The following AGO1 variants were observed in gnomAD, a reference collection of about 807,000 sequenced individuals.
AGO1 encodes protein argonaute-1.
A neutral mutation model predicts 109.2 loss-of-function variants in AGO1; 11 were observed. That is an observed-to-expected ratio of 0.10 (90% confidence interval 0.06 to 0.17). The LOEUF (loss-of-function observed/expected upper bound fraction) is 0.17. AGO1 is among the 10% of genes least tolerant of loss of function. The pLI, the probability that AGO1 is intolerant of heterozygous loss-of-function variation, is 1.00. For synonymous variants in AGO1, 422 were observed against 418.6 expected, an observed-to-expected ratio of 1.01 and a Z score of -0.10; for missense variants, 574 against 1,140.3, an observed-to-expected ratio of 0.50 and a Z score of 7.15.
chr1:35,919,631 G>T lies in AGO1; in HGVS notation c.*24G>T. The T allele has an allele frequency of 6.2e-7, 1 of 1,600,042 alleles. No homozygotes were observed. The highest frequency in any genetic ancestry group is 8.5e-7 in the Non-Finnish European group (1 of 1,170,652). On this transcript the variant is annotated 3_prime_UTR_variant, in exon 19 of 19. Coordinates refer to ENST00000373204, the MANE Select transcript of AGO1 (RefSeq NM_012199.5). This position sits in a 1 kb window ranked among gnomAD's most constrained non-coding sequence, Gnocchi z 6.6. ...GAAGGCAGAACGCTGTTACCTCACT[G>T]GATAGAAGAAAGCTTTCCAAGCCCC...
intron 1 of AGO1, among the ~76,000 whole-genome samples, chr1:35,885,722 C>G (rs1182388195): frequency 6.6e-6 from 1 of 152,260 alleles, no homozygotes; most frequent in Admixed American, 6.5e-5. Flanking sequence ...CAAGCACATA[C>G]AGTGGACTGG....
intron 14 of AGO1, 30 bp from the exon 15 acceptor site, chr1:35,915,318 A>G: frequency 6.3e-7 from 1 of 1,594,754 alleles, no homozygotes; most frequent in Non-Finnish European, 8.6e-7. Context: ...TGAAGGTTCT[A>G]GGAGCTAATC....
At chr1:35,875,013 A>G (rs1488617463) in intron 1 of AGO1, among the ~76,000 whole-genome samples, 1 of 152,230 alleles carries the variant, frequency 6.6e-6, no homozygotes, top group African/African-American at 2.4e-5. Flanking sequence ...GTTTAAGGAA[A>G]GAAGCCATCT....
chr1:35,909,005 A>G (rs1052258570), intron 12 of AGO1, among the ~76,000 whole-genome samples: 1 of 151,952 alleles, frequency 6.6e-6, no homozygotes, highest in African/African-American at 2.4e-5. Flanking sequence ...TTTAGTACAG[A>G]TGGAGTTTCG....
chr1:35,909,852 G>A (rs996707296), intron 12 of AGO1, among the ~76,000 whole-genome samples: 1 of 151,986 alleles, frequency 6.6e-6, no homozygotes, highest in African/African-American at 2.4e-5. Context: ...GTATGGATAA[G>A]GATGCTTTTT....
chr1:35,919,620 G>A lies in AGO1; in HGVS notation c.*13G>A. ...GTACTTCGCTTGAAGGCAGAACGCTGTTACCTCACTGGATAGAAGAAAGCT... is the reference window on the plus strand; with the variant it reads ...GTACTTCGCTTGAAGGCAGAACGCTATTACCTCACTGGATAGAAGAAAGCT... On this transcript the variant is annotated 3_prime_UTR_variant, in exon 19 of 19. Transcript: ENST00000373204. This position sits in a 1 kb window ranked among gnomAD's most constrained non-coding sequence, Gnocchi z 6.6. The A allele has an allele frequency of 6.2e-7, 1 of 1,609,378 alleles. No homozygotes were observed. The highest frequency in any genetic ancestry group is 8.5e-7 in the Non-Finnish European group (1 of 1,176,762).
chr1:35,893,647 G>A lies in AGO1; in HGVS notation c.513-27G>A. 6.3e-7 allele frequency: 1 copy of A among 1,593,526 alleles called. No homozygotes were observed. Among genetic ancestry groups the A allele is most frequent in the Non-Finnish European group, 8.6e-7 (1 of 1,167,074 alleles). On this transcript the variant is annotated intron_variant, in intron 4 of 18. Coordinates refer to ENST00000373204, the MANE Select transcript of AGO1 (RefSeq NM_012199.5). This position sits in a 1 kb window ranked among gnomAD's most constrained non-coding sequence, Gnocchi z 5.6. ...ACAGGGTGGGGGCCTGTGCCCGAGGGACCAGTTCTCTGCCTGTCCCTGCCA... is the reference window on the plus strand; with the variant it reads ...ACAGGGTGGGGGCCTGTGCCCGAGGAACCAGTTCTCTGCCTGTCCCTGCCA...
In AGO1 at chr1:35,919,204, C is replaced by T. The variant is rs768309604; in HGVS notation, c.2415C>T (p.Arg805=). The part of the protein sequence containing the change: ...VSIPAPAYYA[R]LVAFRARYHL... The stretch of plus-strand genomic sequence containing the variant: ...TCCCAGCACCTGCCTACTATGCCCG[C>T]CTGGTGGCTTTCCGGGCACGATACC... The change falls in exon 18 of 19, where the codon CGC becomes CGT. Residue 805 remains arginine, a synonymous_variant. Coordinates refer to ENST00000373204, the MANE Select transcript of AGO1 (RefSeq NM_012199.5). The surrounding 1 kb of genome is among the most constrained non-coding windows in gnomAD (Gnocchi z 6.6). 2 of 1,614,180 alleles carry T rather than the reference C, an allele frequency of 1.2e-6. No individual in the cohort carries two copies. Among genetic ancestry groups the T allele is most frequent in the East Asian group, 2.2e-5 (1 of 44,884 alleles).
In AGO1 at chr1:35,897,760, T is replaced by TA. The variant is rs944168579; in HGVS notation, c.1020+2492dup. ...AAATAAAAAAACAGCTTTATCGAGA[T>TA]ATAATTCACATACCATAAAATTCAC... On this transcript the variant is annotated intron_variant, in intron 8 of 18. Coordinates refer to ENST00000373204, the MANE Select transcript of AGO1 (RefSeq NM_012199.5). 8.5e-4 allele frequency among the ~76,000 whole-genome samples: 129 copies of TA among 152,290 alleles called. 1 individual carries two copies. The highest frequency in any genetic ancestry group is 3.1e-3 in the African/African-American group (127 of 41,564).
upstream of AGO1, among the ~76,000 whole-genome samples, chr1:35,879,526 G>T (rs540457736): frequency 2.0e-5 from 3 of 151,946 alleles, no homozygotes; most frequent in East Asian, 5.8e-4. Context: ...GGGAGGCCGA[G>T]GTGGGCGGAT....
chr1:35,879,473 TGCAGCTGGGC>T (rs1366112586), upstream of AGO1, among the ~76,000 whole-genome samples: 1 of 138,572 alleles, frequency 7.2e-6, no homozygotes, highest in Admixed American at 7.3e-5. Flanking sequence ...AAAAGTAAAA[TGCAGCTGGGC>T]GCAGTGGCTC....
chr1:35,907,254 T>G (rs979973744), intron 12 of AGO1, 135 bp downstream of exon 12: 2 of 740,952 alleles, frequency 2.7e-6, no homozygotes, highest in Non-Finnish European at 4.0e-6. Flanking sequence ...GCTCCTCTTA[T>G]AGGAGAAATA....
In AGO1 at chr1:35,888,407, C is replaced by T. The variant is rs1440658079; in HGVS notation, c.26-20C>T. ...AGGAGATTGCCAGACTTTACCCTCA[C>T]CAGCCTCTTTGTCTTGTAGCTGCGG... On this transcript the variant is annotated intron_variant, in intron 1 of 18. Transcript: ENST00000373204. The surrounding 1 kb of genome is among the most constrained non-coding windows in gnomAD (Gnocchi z 4.1). The T allele has an allele frequency of 3.1e-6, 5 of 1,612,544 alleles. No individual in the cohort carries two copies. The highest frequency in any genetic ancestry group is 4.2e-6 in the Non-Finnish European group (5 of 1,179,152).
rs1212467436 is a variant in AGO1 at position 35,902,352 on chromosome 1, C to T, written c.1397+15C>T. 1 of 1,611,746 alleles carries T rather than the reference C, an allele frequency of 6.2e-7. No homozygotes were observed. The highest frequency in any genetic ancestry group is 1.3e-5 in the African/African-American group (1 of 74,916). On this transcript the variant is annotated intron_variant, in intron 11 of 18. Transcript: ENST00000373204. ...GAGGTGCTCAAGTAAGGAGGGTTCG[C>T]TGTAGGGGTGGAAGGGTGGGAAGGA...
intron 12 of AGO1, among the ~76,000 whole-genome samples, chr1:35,911,331 C>T (rs1025535896): frequency 6.6e-6 from 1 of 152,116 alleles, no homozygotes; most frequent in Non-Finnish European, 1.5e-5. Context: ...TTTAAAAAAT[C>T]ATTCATATTT....
At chr1:35,909,825 G>C (rs1330253713) in intron 12 of AGO1, among the ~76,000 whole-genome samples, 1 of 152,010 alleles carries the variant, frequency 6.6e-6, no homozygotes, top group African/African-American at 2.4e-5. Context: ...TTCAGTCCTT[G>C]TCTTTCTTGG....
upstream of AGO1, among the ~76,000 whole-genome samples, chr1:35,879,910 A>G (rs1645022187): frequency 6.6e-6 from 1 of 152,108 alleles, no homozygotes; most frequent in Admixed American, 6.6e-5. Context: ...GGGTCAGAAT[A>G]GTGACTACTG....
At chr1:35,900,153 G>A (rs1190104093) in intron 8 of AGO1, among the ~76,000 whole-genome samples, 1 of 152,226 alleles carries the variant, frequency 6.6e-6, no homozygotes, top group Non-Finnish European at 1.5e-5. Context: ...AGCCAACAGA[G>A]ACAGTGATAG....
intron 12 of AGO1, among the ~76,000 whole-genome samples, chr1:35,912,162 C>G (rs1645645248): frequency 6.6e-6 from 1 of 152,066 alleles, no homozygotes; most frequent in South Asian, 2.1e-4. Context: ...TCGAGACCAT[C>G]CTGGCTAACA....
Sources: gnomAD v4.1 joint callset for allele counts (sites outside exome capture counted in the v4.1 genomes callset) on GRCh38, gnomAD v4.1.1 for gene constraint, Gnocchi (gnomAD v3.1) non-coding constraint, MANE v1.5 for transcripts, NCBI Gene and HGNC (gene_info 2026-07-23, HGNC 2026-07-21) for gene names.